Variants in SIAH2 observed in about 807,000 individuals in gnomAD.
The protein encoded by SIAH2 is siah E3 ubiquitin protein ligase 2.
SIAH2 carries 4 observed loss-of-function variants against 20.4 expected under a neutral mutation model. That is an observed-to-expected ratio of 0.20 (90% CI 0.10 to 0.45). The LOEUF (loss-of-function observed/expected upper bound fraction) is 0.45, where lower values mean the gene tolerates loss of function less well. Among genes scored for constraint, SIAH2 ranks in the 20% least tolerant of loss-of-function variants. SIAH2 has a pLI of 0.99. For synonymous variants in SIAH2, 171 were observed against 192.5 expected, an observed-to-expected ratio of 0.89 and a Z score of 0.93; for missense variants, 259 against 440.3, an observed-to-expected ratio of 0.59 and a Z score of 3.69.
At chr3:150,754,510 T>C (rs942743624) in intron 1 of SIAH2, among the ~76,000 whole-genome samples, 3 of 152,230 alleles carry the variant, frequency 2.0e-5, no homozygotes, top group African/African-American at 4.8e-5. Flanking sequence ...GGGATTACAA[T>C]TGAACATGAG....
In SIAH2 at chr3:150,744,238, G is replaced by A. The variant is rs544919824; in HGVS notation, c.418-1540C>T. ...GGATGACAGCCTCCACTCTCAGGGG[G>A]ATTAGTCTCCCCTAATCGGAAAGGA... On this transcript the variant is annotated intron_variant, in intron 1 of 1. Coordinates refer to ENST00000312960, the MANE Select transcript of SIAH2 (RefSeq NM_005067.7). Among the ~76,000 whole-genome samples, 14 of 152,278 alleles carry A rather than the reference G, an allele frequency of 9.2e-5. 1 individual carries two copies. Among genetic ancestry groups the A allele is most frequent in the African/African-American group, 2.9e-4 (12 of 41,552 alleles).
intron 1 of SIAH2, among the ~76,000 whole-genome samples, chr3:150,758,736 ATT>A (rs1249931879): frequency 3.3e-4 from 36 of 108,814 alleles, no homozygotes; most frequent in Admixed American, 5.6e-4. Context: ...ACACCTGGCT[ATT>A]TTTTTTTTTT....
chr3:150,754,564 G>GTTTTGT (rs1051670278), intron 1 of SIAH2, among the ~76,000 whole-genome samples: 5 of 152,020 alleles, frequency 3.3e-5, no homozygotes, highest in Non-Finnish European at 5.9e-5. Flanking sequence ...CATCTCACTT[G>GTTTTGT]TTTTGTTTTT....
intron 1 of SIAH2, among the ~76,000 whole-genome samples, chr3:150,761,783 T>C (rs1714617847): frequency 6.6e-6 from 1 of 152,192 alleles, no homozygotes; most frequent in South Asian, 2.1e-4. Flanking sequence ...CCCTTGTTAA[T>C]TTCTTGATTG....
chr3:150,758,495 A>T (rs918481704), intron 1 of SIAH2, among the ~76,000 whole-genome samples: 1 of 151,820 alleles, frequency 6.6e-6, no homozygotes, highest in Non-Finnish European at 1.5e-5. Context: ...AAAAGTTCTC[A>T]GGCATGGAAC....
chr3:150,747,598 A>C (rs545415152), intron 1 of SIAH2, among the ~76,000 whole-genome samples: 1 of 152,196 alleles, frequency 6.6e-6, no homozygotes, highest in East Asian at 1.9e-4. Context: ...TTAAGTAAAC[A>C]TCTCTAAAGA....
At chr3:150,755,766 C>G (rs991149101) in intron 1 of SIAH2, among the ~76,000 whole-genome samples, 1 of 152,092 alleles carries the variant, frequency 6.6e-6, no homozygotes. Flanking sequence ...ATCTGCCCGC[C>G]TCGGCCTCCC....
chr3:150,762,053 G>T lies in SIAH2; in HGVS notation c.417+380C>A, dbSNP rs2108127832. On this transcript the variant is annotated intron_variant, in intron 1 of 1. Transcript: ENST00000312960. This position sits in a 1 kb window ranked among gnomAD's most constrained non-coding sequence, Gnocchi z 6.6. ...CGCTGGTAAAGGGGGCGTTTAGCTC[G>T]CCCGTTTCCTCCCTCCTCAATCCCC... is the stretch of plus-strand genomic sequence containing the variant. 4.4e-6 allele frequency: 1 copy of T among 228,650 alleles called. No homozygotes were observed. Among genetic ancestry groups the T allele is most frequent in the East Asian group, 1.5e-4 (1 of 6,492 alleles). The allele number at this position is 228,650 out of a possible 1,614,324, so 14.2% of individuals were successfully genotyped here. A position where few individuals can be genotyped will look rare whatever the true frequency, so the allele number is the denominator to read the frequency against.
At chr3:150,745,859 T>C (rs1714200610) in intron 1 of SIAH2, among the ~76,000 whole-genome samples, 1 of 152,148 alleles carries the variant, frequency 6.6e-6, no homozygotes, top group Non-Finnish European at 1.5e-5. Context: ...AGAACCTCTA[T>C]CCTAGAGCAC....
Position 150,742,175 on chromosome 3 carries a change from C to G in SIAH2, c.941G>C (p.Gly314Ala). ...AHLFADNGNL[G>A]INVTISTCCP Reference sequence around the variant, plus strand: ...ACATGTAGAAATAGTAACATTGATTCCAAGGTTCCCATTATCTGCAAAAAG... The same window carrying G: ...ACATGTAGAAATAGTAACATTGATTGCAAGGTTCCCATTATCTGCAAAAAG... The change falls in exon 2 of 2, where the codon GGA (glycine) becomes GCA (alanine). Residue 314 changes from glycine to alanine, a missense_variant. By Grantham distance (60) the Gly-to-Ala change is moderately conservative (BLOSUM62 0). This residue lies in a region of SIAH2 where 160 missense variants were observed against 327.6 expected (regional missense o/e 0.49). Coordinates refer to ENST00000312960, the MANE Select transcript of SIAH2 (RefSeq NM_005067.7). The surrounding 1 kb of genome is among the most constrained non-coding windows in gnomAD (Gnocchi z 4.8). 1 of 1,613,518 alleles carries G rather than the reference C, an allele frequency of 6.2e-7. No individual in the cohort carries two copies. The highest frequency in any genetic ancestry group is 2.2e-5 in the East Asian group (1 of 44,872).
chr3:150,759,276 T>C (rs1714552280), intron 1 of SIAH2, among the ~76,000 whole-genome samples: 1 of 152,330 alleles, frequency 6.6e-6, no homozygotes, highest in South Asian at 2.1e-4. Context: ...GGGATAGTTA[T>C]TTGGCAATAC....
chr3:150,745,272 C>A (rs930730321), intron 1 of SIAH2, among the ~76,000 whole-genome samples: 2 of 150,866 alleles, frequency 1.3e-5, no homozygotes, highest in African/African-American at 4.9e-5. Context: ...CACACACACA[C>A]ACACACCCCA....
Position 150,762,972 on chromosome 3 carries a change from C to A in SIAH2, c.-123G>T. The A allele has an allele frequency of 9.3e-7, 1 of 1,070,646 alleles. No homozygotes were observed. The highest frequency in any genetic ancestry group is 1.1e-6 in the Non-Finnish European group (1 of 875,908). The allele number at this position is 1,070,646 out of a possible 1,614,324, so 66.3% of individuals were successfully genotyped here. A position where few individuals can be genotyped will look rare whatever the true frequency, so the allele number is the denominator to read the frequency against. On this transcript the variant is annotated 5_prime_UTR_variant, in exon 1 of 2. Transcript: ENST00000312960. The surrounding 1 kb of genome is among the most constrained non-coding windows in gnomAD (Gnocchi z 6.6). ...AACGCCACGGCGCCCAGCCCAGGTCCGGGCGGCGGAGACGCTCGGCGCCCG... is the reference window on the plus strand; with the variant it reads ...AACGCCACGGCGCCCAGCCCAGGTCAGGGCGGCGGAGACGCTCGGCGCCCG...
chr3:150,743,542 C>T (rs1227138491), intron 1 of SIAH2, among the ~76,000 whole-genome samples: 1 of 152,174 alleles, frequency 6.6e-6, no homozygotes, highest in African/African-American at 2.4e-5. Context: ...ATGTCAGGTC[C>T]TCACAACAGG....
At chr3:150,760,764 G>C (rs1212109016) in intron 1 of SIAH2, among the ~76,000 whole-genome samples, 1 of 152,162 alleles carries the variant, frequency 6.6e-6, no homozygotes, top group East Asian at 1.9e-4. Flanking sequence ...AATCCTATGG[G>C]GCATCCCCCA....
intron 1 of SIAH2, among the ~76,000 whole-genome samples, chr3:150,748,891 A>T (rs1434756880): frequency 1.3e-5 from 2 of 152,248 alleles, no homozygotes; most frequent in Non-Finnish European, 2.9e-5. Flanking sequence ...TACTGGGGCA[A>T]AAGCTGTAAT....
At chr3:150,751,813 C>G (rs1313719775) in intron 1 of SIAH2, among the ~76,000 whole-genome samples, 3 of 152,138 alleles carry the variant, frequency 2.0e-5, no homozygotes, top group Non-Finnish European at 4.4e-5. Context: ...CCCATGTCAG[C>G]CTCTCGAAGT....
chr3:150,745,522 G>A (rs930657233), intron 1 of SIAH2, among the ~76,000 whole-genome samples: 5 of 150,774 alleles, frequency 3.3e-5, no homozygotes, highest in African/African-American at 4.9e-5. Flanking sequence ...TTGAGATGGA[G>A]TCTTGCTCTG....
Position 150,742,245 on chromosome 3 carries a change from T to C in SIAH2, c.871A>G (p.Ile291Val), listed in dbSNP as rs939181890. Reference sequence around the variant, plus strand: ...AAAACAAGGCAGTCGCTGTTCATGATGGCCGCAGCCACACCGTCATGAATC... The same window carrying C: ...AAAACAAGGCAGTCGCTGTTCATGACGGCCGCAGCCACACCGTCATGAATC... Reference protein sequence around the residue: ...RSIHDGVAAAIMNSDCLVFDT... With the variant: ...RSIHDGVAAAVMNSDCLVFDT... The change falls in exon 2 of 2, where the codon ATC becomes GTC. Residue 291 changes from isoleucine to valine, a missense_variant. Ile to Val is a conservative substitution (Grantham distance 29). This residue lies in a region of SIAH2 where 160 missense variants were observed against 327.6 expected (regional missense o/e 0.49). Transcript: ENST00000312960. The surrounding 1 kb of genome is among the most constrained non-coding windows in gnomAD (Gnocchi z 4.8). The C allele has an allele frequency of 2.5e-6, 4 of 1,614,068 alleles. No individual in the cohort carries two copies. The highest frequency in any genetic ancestry group is 3.4e-6 in the Non-Finnish European group (4 of 1,180,046).
Sources: allele counts gnomAD v4.1 joint callset (sites outside exome capture counted in the v4.1 genomes callset), GRCh38; gene constraint gnomAD v4.1.1; regional missense constraint gnomAD v4.1.1; non-coding constraint Gnocchi (gnomAD v3.1); transcripts MANE v1.5; gene names NCBI Gene and HGNC (gene_info 2026-07-23, HGNC 2026-07-21).